Variants in NUP85 observed in about 807,000 individuals in gnomAD.
The protein encoded by NUP85 is nuclear pore complex protein Nup85.
In NUP85, 23 loss-of-function variants were observed where a neutral mutation model predicts 92.8. That is an observed-to-expected ratio of 0.25 (90% CI 0.18 to 0.35). The LOEUF is 0.35. Among genes scored for constraint, NUP85 ranks in the 10% least tolerant of loss-of-function variants. NUP85 has a pLI of 1.00. For synonymous variants in NUP85, 314 were observed against 306.9 expected, an observed-to-expected ratio of 1.02 and a Z score of -0.24; for missense variants, 759 against 822.8, an observed-to-expected ratio of 0.92 and a Z score of 0.95.
intron 5 of NUP85, among the ~76,000 whole-genome samples, chr17:75,215,319 C>T (rs1260414891): frequency 6.6e-6 from 1 of 152,172 alleles, no homozygotes; most frequent in African/African-American, 2.4e-5. Flanking sequence ...AAGTGATGCT[C>T]CCACCTCAGC....
Position 75,218,173 on chromosome 17 carries a change from C to T in NUP85, c.476-12C>T, listed in dbSNP as rs372301001. The T allele has an allele frequency of 3.8e-5, 61 of 1,613,648 alleles. No individual in the cohort carries two copies. Among genetic ancestry groups the T allele is most frequent in the Non-Finnish European group, 3.4e-6 (4 of 1,179,798 alleles). ...TGAGGCTTTTGTGTGTGATGAGAGT[C>T]TCTCCTCCCAGCTGGCCCTCTCCTC... On this transcript the variant is annotated splice_polypyrimidine_tract_variant and intron_variant, in intron 6 of 18. Coordinates refer to ENST00000245544, the MANE Select transcript of NUP85 (RefSeq NM_024844.5).
In NUP85 at chr17:75,234,657, C is replaced by A. The variant is rs771144534; in HGVS notation, c.1636C>A (p.Arg546Ser). The A allele has an allele frequency of 1.2e-6, 2 of 1,614,194 alleles. No individual in the cohort carries two copies. Among genetic ancestry groups the A allele is most frequent in the South Asian group, 2.2e-5 (2 of 91,086 alleles). ...CATAGGAAAGTATCGCGAGTTCCAC[C>A]GTATGTACGGGGAGAAGCGTTTTGC... is the stretch of plus-strand genomic sequence containing the variant. ...TFLGKYREFH[R>S]MYGEKRFADA... Residue 546 changes from arginine to serine, a missense_variant, in exon 17 of 19, where the codon CGT becomes AGT. Arg to Ser is a moderately radical substitution (Grantham distance 110). Coordinates refer to ENST00000245544, the MANE Select transcript of NUP85 (RefSeq NM_024844.5).
intron 1 of NUP85, among the ~76,000 whole-genome samples, chr17:75,206,991 G>A (rs944770068): frequency 1.3e-5 from 2 of 152,126 alleles, no homozygotes; most frequent in Admixed American, 1.3e-4. Context: ...ACAGGCGTGA[G>A]CCACCGCACC....
intron 1 of NUP85, among the ~76,000 whole-genome samples, chr17:75,207,770 G>T (rs774879352): frequency 1.3e-5 from 2 of 151,888 alleles, no homozygotes; most frequent in Non-Finnish European, 2.9e-5. Context: ...GAGCCACCGC[G>T]CTTGGCTAGG....
rs1244087926 is a variant in NUP85 at position 75,231,328 on chromosome 17, C to T, written c.1095-12C>T. 2 of 1,614,020 alleles carry T rather than the reference C, an allele frequency of 1.2e-6. No individual in the cohort carries two copies. Among genetic ancestry groups the T allele is most frequent in the Admixed American group, 3.3e-5 (2 of 60,002 alleles). On this transcript the variant is annotated splice_polypyrimidine_tract_variant and intron_variant, in intron 11 of 18. Transcript: ENST00000245544. The surrounding 1 kb of genome is among the most constrained non-coding windows in gnomAD (Gnocchi z 4.6). The stretch of plus-strand genomic sequence containing the variant: ...CTGATTTTCCTTCTTGCCTTGGTGT[C>T]TGAATCTGCAGCATCGCCCTGAGCA...
chr17:75,207,979 C>T (rs1481639731), intron 1 of NUP85, among the ~76,000 whole-genome samples: 1 of 151,626 alleles, frequency 6.6e-6, no homozygotes, highest in Non-Finnish European at 1.5e-5. Context: ...AACAAGAGTT[C>T]GAACTCCTGA....
intron 7 of NUP85, among the ~76,000 whole-genome samples, chr17:75,219,835 G>A (rs1285879634): frequency 1.3e-5 from 2 of 152,162 alleles, no homozygotes; most frequent in East Asian, 3.9e-4. Context: ...ACCTGAAGGA[G>A]GTGAGGAGAG....
intron 11 of NUP85, among the ~76,000 whole-genome samples, chr17:75,227,331 T>G (rs2075842163): frequency 7.1e-6 from 1 of 141,782 alleles, no homozygotes; most frequent in African/African-American, 2.7e-5. Flanking sequence ...TCTGGGTTTT[T>G]TTTTTTTTTT....
At chr17:75,230,353 A>G (rs2075999168) in intron 11 of NUP85, among the ~76,000 whole-genome samples, 1 of 45,230 alleles carries the variant, frequency 2.2e-5, no homozygotes, top group South Asian at 1.4e-3. Context: ...GGTGTACAAC[A>G]TGTTTTTTGT....
intron 14 of NUP85, 193 bp downstream of exon 14, chr17:75,232,172 T>C: frequency 1.6e-6 from 1 of 619,598 alleles, no homozygotes; most frequent in Non-Finnish European, 2.8e-6. Flanking sequence ...AGGGATCCAC[T>C]GGAACCCAGA....
At chr17:75,226,888 C>A (rs878867862) in intron 11 of NUP85, 2 of 310,334 alleles carry the variant, frequency 6.4e-6, no homozygotes, top group Admixed American at 7.8e-5. Context: ...CGTGAGCTAC[C>A]GAACCACTGG....
In NUP85 at chr17:75,233,980, C is replaced by T. The variant is rs183381480; in HGVS notation, c.1616-657C>T. On this transcript the variant is annotated intron_variant, in intron 16 of 18. Transcript: ENST00000245544. Reference sequence around the variant, plus strand: ...AACTCCTGACCTCAAGTGATCCGCCCGCCTCGGCCTCCCAAAGTGCTGGGA... The same window carrying T: ...AACTCCTGACCTCAAGTGATCCGCCTGCCTCGGCCTCCCAAAGTGCTGGGA... Among the ~76,000 whole-genome samples the T allele has an allele frequency of 1.9e-3, 276 of 147,762 alleles. 1 individual carries two copies. Among genetic ancestry groups the T allele is most frequent in the African/African-American group, 6.3e-3 (253 of 40,036 alleles).
chr17:75,218,772 G>GA (rs1283945642), intron 7 of NUP85, among the ~76,000 whole-genome samples: 1 of 151,840 alleles, frequency 6.6e-6, no homozygotes, highest in East Asian at 1.9e-4. Flanking sequence ...ATATAAAAGA[G>GA]AAAAGATAGT....
Position 75,235,629 on chromosome 17 carries a change from C to T in NUP85, c.1921C>T (p.Arg641Ter), listed in dbSNP as rs1215583174. ...GGAAATGCTGAGACTTTCTCTGGCA[C>T]GAAATCTTGCTCGGGCAATTATAAG... ...KVEMLRLSLA[R>*]NLARAIIREG... The change falls in exon 19 of 19, where the codon CGA becomes TGA. Residue 641 changes from arginine (R) to a stop codon, truncating the protein, a stop_gained. Transcript: ENST00000245544. LOFTEE classifies it high-confidence loss of function. 2 of 1,614,130 alleles carry T rather than the reference C, an allele frequency of 1.2e-6. No homozygotes were observed. Among genetic ancestry groups the T allele is most frequent in the Non-Finnish European group, 1.7e-6 (2 of 1,179,970 alleles).
At chr17:75,229,187 C>T (rs188667265) in intron 11 of NUP85, 49 of 983,264 alleles carry the variant, frequency 5.0e-5, no homozygotes, top group Non-Finnish European at 5.7e-5. Flanking sequence ...TCTGCTGAAT[C>T]TAGAATCTTC....
chr17:75,225,625 C>G (rs2075763798), intron 9 of NUP85, 73 bp from the exon 10 acceptor site: 1 of 1,594,600 alleles, frequency 6.3e-7, no homozygotes, highest in South Asian at 1.1e-5. Context: ...GTGCCCTTAG[C>G]TGAGAGCAGG....
At chr17:75,208,295 AAT>A in intron 1 of NUP85, 1 of 439,220 alleles carries the variant, frequency 2.3e-6, no homozygotes, top group Non-Finnish European at 4.0e-6. Context: ...AAAAAAAAAA[AAT>A]AGCCGGGTGT....
Position 75,231,932 on chromosome 17 carries a change from C to T in NUP85, c.1349C>T (p.Ala450Val), listed in dbSNP as rs781394657. The change falls in exon 14 of 19, where the codon GCC (alanine) becomes GTC (valine). Residue 450 changes from alanine (A) to valine (V), a missense_variant. Coordinates refer to ENST00000245544, the MANE Select transcript of NUP85 (RefSeq NM_024844.5). The surrounding 1 kb of genome is among the most constrained non-coding windows in gnomAD (Gnocchi z 4.6). ...ERIPLNTEQK[A>V]LKVLRICEQR... The stretch of plus-strand genomic sequence containing the variant: ...ATACCTCTGAACACCGAGCAGAAAG[C>T]CCTGAAGGTGCTGCGGATCTGTGAG... The T allele has an allele frequency of 5.6e-6, 9 of 1,614,108 alleles. No individual in the cohort carries two copies. Among genetic ancestry groups the T allele is most frequent in the African/African-American group, 1.3e-5 (1 of 74,934 alleles).
chr17:75,218,390 C>A, intron 7 of NUP85, 84 bp downstream of exon 7: 1 of 1,556,022 alleles, frequency 6.4e-7, no homozygotes. Context: ...ACCCACTGAG[C>A]CTCCAGCAGT....
Sources: gnomAD v4.1 joint callset for allele counts (sites outside exome capture counted in the v4.1 genomes callset) on GRCh38, gnomAD v4.1.1 for gene constraint, Gnocchi (gnomAD v3.1) non-coding constraint, MANE v1.5 for transcripts, NCBI Gene and HGNC (gene_info 2026-07-23, HGNC 2026-07-21) for gene names.